DSCAML1: variants seen among roughly 807,000 people sequenced by gnomAD.
The protein encoded by DSCAML1 is cell adhesion molecule DSCAML1.
In DSCAML1, 38 loss-of-function variants were observed where a neutral mutation model predicts 200.5. The observed-to-expected ratio is 0.19, with a 90% confidence interval of 0.15 to 0.25. The LOEUF (loss-of-function observed/expected upper bound fraction) is 0.25, where lower values mean the gene tolerates loss of function less well. Ranked by LOEUF, DSCAML1 falls within the 10% of genes least tolerant of loss-of-function variation. The pLI is 1.00. For synonymous variants in DSCAML1, 1,215 were observed against 1,165.0 expected (o/e 1.04, Z -0.87); for missense variants, 2,223 against 2,858.8 (o/e 0.78, Z 5.07).
chr11:117,780,453 C>T lies in DSCAML1; in HGVS notation c.364+40G>A. 7.1e-7 allele frequency: 1 copy of T among 1,408,296 alleles called. No individual in the cohort carries two copies. Among genetic ancestry groups the T allele is most frequent in the Non-Finnish European group, 9.3e-7 (1 of 1,075,018 alleles). 87.2% of individuals were successfully genotyped at this position (1,408,296 alleles called of 1,614,324 possible). ...TATCCTCAGAATGACGGCGCAGCCT[C>T]CTCCTGTGCCACTGGGGCAGCCAGT... On this transcript the variant is annotated intron_variant, in intron 2 of 32. Coordinates refer to ENST00000651296, the MANE Select transcript of DSCAML1 (RefSeq NM_020693.4). This position sits in a 1 kb window ranked among gnomAD's most constrained non-coding sequence, Gnocchi z 4.8.
intron 2 of DSCAML1, among the ~76,000 whole-genome samples, chr11:117,778,775 G>C (rs79818447): frequency 6.6e-6 from 1 of 152,176 alleles, no homozygotes; most frequent in African/African-American, 2.4e-5. Context: ...AATCCTCCAC[G>C]CTGTGGAGGC....
chr11:117,548,901 C>T (rs1247556970), intron 3 of DSCAML1, among the ~76,000 whole-genome samples: 3 of 152,156 alleles, frequency 2.0e-5, no homozygotes, highest in Non-Finnish European at 4.4e-5. Flanking sequence ...CACATGGGCT[C>T]ATTTCTGTCT....
At chr11:117,739,056 A>G (rs1184754426) in intron 3 of DSCAML1, among the ~76,000 whole-genome samples, 1 of 152,270 alleles carries the variant, frequency 6.6e-6, no homozygotes, top group Non-Finnish European at 1.5e-5. Flanking sequence ...GGGCTTGAAC[A>G]CATATTGTCT....
chr11:117,653,813 A>G (rs1270147397), intron 3 of DSCAML1, among the ~76,000 whole-genome samples: 2 of 152,238 alleles, frequency 1.3e-5, no homozygotes, highest in Non-Finnish European at 2.9e-5. Context: ...CAAAATGTCC[A>G]TCAACTGGTG....
At chr11:117,535,043 G>A (rs929716206) in intron 3 of DSCAML1, among the ~76,000 whole-genome samples, 1 of 150,918 alleles carries the variant, frequency 6.6e-6, no homozygotes, top group African/African-American at 2.5e-5. Flanking sequence ...CTCTGTATAG[G>A]ACTGGACCTA....
intron 14 of DSCAML1, among the ~76,000 whole-genome samples, chr11:117,477,382 G>GTA (rs1376512012): frequency 3.6e-4 from 47 of 130,700 alleles, no homozygotes; most frequent in Non-Finnish European, 7.3e-4. Context: ...GTGTGTGTGT[G>GTA]TGTGTGTGTA....
At chr11:117,450,179 T>C (rs1373048504) in intron 20 of DSCAML1, among the ~76,000 whole-genome samples, 1 of 152,214 alleles carries the variant, frequency 6.6e-6, no homozygotes, top group East Asian at 1.9e-4. Context: ...ACCAACCATG[T>C]TGAAAGATGG....
At chr11:117,578,237 A>G (rs1233177563) in intron 3 of DSCAML1, among the ~76,000 whole-genome samples, 6 of 5,774 alleles carry the variant, frequency 1.0e-3, no homozygotes, top group African/African-American at 4.2e-3. Context: ...CTCTGTCTCG[A>G]AAAAAAAAAA....
chr11:117,618,394 T>C (rs987373677), intron 3 of DSCAML1, among the ~76,000 whole-genome samples: 9 of 152,224 alleles, frequency 5.9e-5, no homozygotes, highest in African/African-American at 2.2e-4. Flanking sequence ...ACCTGCTGGT[T>C]CTACCCTTTG....
intron 11 of DSCAML1, among the ~76,000 whole-genome samples, chr11:117,495,488 A>G (rs542570286): frequency 1.3e-5 from 2 of 152,054 alleles, no homozygotes; most frequent in Non-Finnish European, 2.9e-5. Context: ...GCGAATCTGC[A>G]CTCAGCCCCC....
In DSCAML1 at chr11:117,797,213, G is replaced by C. The variant is rs774055989; in HGVS notation, c.-134C>G. ...CTCTCTGCTCCTCAGCCCAGCGCTC[G>C]GCTGCGGCGGCGGCTCCTCCCTCCT... On this transcript the variant is annotated 5_prime_UTR_variant, in exon 1 of 33. Coordinates refer to ENST00000651296, the MANE Select transcript of DSCAML1 (RefSeq NM_020693.4). 7.4e-6 allele frequency: 11 copies of C among 1,493,804 alleles called. No individual in the cohort carries two copies. Among genetic ancestry groups the C allele is most frequent in the Middle Eastern group, 3.8e-4 (2 of 5,314 alleles). The allele number at this position is 1,493,804 out of a possible 1,614,324, so 92.5% of individuals were successfully genotyped here.
intron 3 of DSCAML1, among the ~76,000 whole-genome samples, chr11:117,555,112 G>A (rs1403180131): frequency 6.6e-6 from 1 of 152,162 alleles, no homozygotes; most frequent in Admixed American, 6.5e-5. Flanking sequence ...CTTCTTCCAT[G>A]GCCTTTGCAC....
chr11:117,483,008 G>C (rs1210748919), intron 11 of DSCAML1, among the ~76,000 whole-genome samples: 1 of 152,228 alleles, frequency 6.6e-6, no homozygotes, highest in African/African-American at 2.4e-5. Flanking sequence ...ACAGGACTGA[G>C]AAAATCACCA....
At chr11:117,449,455 G>A (rs2048242952) in intron 20 of DSCAML1, among the ~76,000 whole-genome samples, 1 of 152,106 alleles carries the variant, frequency 6.6e-6, no homozygotes, top group South Asian at 2.1e-4. Context: ...CACTCAGAGG[G>A]TAATTCAGAA....
intron 21 of DSCAML1, among the ~76,000 whole-genome samples, chr11:117,441,519 AAGGTGCGGGGCCACAGGTGCCCAGAG>A (rs2048047833): frequency 7.1e-6 from 1 of 141,484 alleles, no homozygotes; most frequent in Non-Finnish European, 1.5e-5. Context: ...AGCATCACAG[AAGGTGCGGGGCCACAGGTGCCCAGAG>A]TGTGGTGGGT....
intron 16 of DSCAML1, among the ~76,000 whole-genome samples, chr11:117,468,194 T>C (rs2048621022): frequency 6.6e-6 from 1 of 152,208 alleles, no homozygotes; most frequent in African/African-American, 2.4e-5. Flanking sequence ...ATAGGGCTGA[T>C]TGCAAATTTA....
intron 3 of DSCAML1, among the ~76,000 whole-genome samples, chr11:117,560,141 A>C (rs1205988448): frequency 1.3e-5 from 2 of 152,066 alleles, no homozygotes; most frequent in Non-Finnish European, 2.9e-5. Context: ...CACAGTGAAG[A>C]ATTTAAGGGC....
chr11:117,547,649 G>GTGCTATAAAGGCCGCTCTGC (rs1447790352), intron 3 of DSCAML1, among the ~76,000 whole-genome samples: 1 of 152,270 alleles, frequency 6.6e-6, no homozygotes, highest in Middle Eastern at 3.4e-3. Flanking sequence ...AACACCCCGC[G>GTGCTATAAAGGCCGCTCTGC]TGCTATAAAG....
intron 3 of DSCAML1, among the ~76,000 whole-genome samples, chr11:117,588,241 C>CG: frequency 6.6e-6 from 1 of 152,102 alleles, no homozygotes; most frequent in Non-Finnish European, 1.5e-5. Flanking sequence ...CACCCTAGCT[C>CG]GGGGGTCGGG....
Sources: gnomAD v4.1 joint callset for allele counts (sites outside exome capture counted in the v4.1 genomes callset) on GRCh38, gnomAD v4.1.1 for gene constraint, Gnocchi (gnomAD v3.1) non-coding constraint, MANE v1.5 for transcripts, NCBI Gene and HGNC (gene_info 2026-07-23, HGNC 2026-07-21) for gene names.